Variants in HAO2 observed in about 807,000 individuals in gnomAD.
The protein encoded by HAO2 is 2-Hydroxyacid oxidase 2.
In HAO2, 42 loss-of-function variants were observed where a neutral mutation model predicts 37.4. The ratio of observed to expected loss-of-function variants is 1.12; its 90% CI spans 0.88 to 1.45. The LOEUF is 1.45. Ranked by LOEUF, HAO2 falls within the 40% of genes most tolerant of loss-of-function variation. The pLI, the probability that HAO2 is intolerant of heterozygous loss-of-function variation, is 0.00. For synonymous variants in HAO2, 180 were observed against 162.8 expected (o/e 1.11, Z -0.81); for missense variants, 476 against 430.2 (o/e 1.11, Z -0.94).
Position 119,381,175 on chromosome 1 carries a change from T to C in HAO2, c.90T>C (p.Asp30=), listed in dbSNP as rs745745659. The change falls in exon 2 of 8, where the codon GAT becomes GAC. Residue 30 remains aspartate (D), a synonymous_variant. Coordinates refer to ENST00000325945, the MANE Select transcript of HAO2 (RefSeq NM_016527.4). The part of the protein sequence containing the change: ...STRDFIEGGA[D]DSITRDDNIA... ...GGGATTTTATTGAAGGTGGAGCAGA[T>C]GACAGCATCACGCGGGATGACAACA... is the stretch of plus-strand genomic sequence containing the variant. 7 of 1,610,258 alleles carry C rather than the reference T, an allele frequency of 4.3e-6. No homozygotes were observed. Among genetic ancestry groups the C allele is most frequent in the East Asian group, 4.5e-5 (2 of 44,860 alleles).
chr1:119,386,937 C>T (rs1167767685), intron 5 of HAO2, 106 bp downstream of exon 5: 1 of 726,592 alleles, frequency 1.4e-6, no homozygotes, highest in Non-Finnish European at 2.5e-6. Context: ...TATTTCACTC[C>T]TCTGTACCAC....
chr1:119,376,538 G>GT (rs1415140574), intron 1 of HAO2, among the ~76,000 whole-genome samples: 1 of 152,248 alleles, frequency 6.6e-6, no homozygotes, highest in Non-Finnish European at 1.5e-5. Flanking sequence ...CCACTAGGCA[G>GT]TGCCCCAGTG....
chr1:119,377,183 C>A (rs374677020), intron 1 of HAO2, among the ~76,000 whole-genome samples: 1 of 152,172 alleles, frequency 6.6e-6, no homozygotes, highest in Non-Finnish European at 1.5e-5. Flanking sequence ...CCCAAGTCAC[C>A]TCTTGAATGC....
chr1:119,381,206 G>T lies in HAO2; in HGVS notation c.121G>T (p.Ala41Ser), dbSNP rs1363100011. Residue 41 changes from alanine to serine, a missense_variant, in exon 2 of 8, where the codon GCA (alanine) becomes TCA (serine). Physicochemically the swap from Ala to Ser is moderately conservative, Grantham distance 99. Coordinates refer to ENST00000325945, the MANE Select transcript of HAO2 (RefSeq NM_016527.4). ...CATCACGCGGGATGACAACATTGCA[G>T]CATTTAAAAGGTGTGGTCTTCTGTA... ...DSITRDDNIA[A>S]FKRIRLRPRY... 16 of 1,610,540 alleles carry T rather than the reference G, an allele frequency of 9.9e-6. No homozygotes were observed. The highest frequency in any genetic ancestry group is 1.2e-5 in the Non-Finnish European group (14 of 1,176,776).
intron 1 of HAO2, among the ~76,000 whole-genome samples, chr1:119,372,104 T>C (rs1649082563): frequency 6.6e-6 from 1 of 152,230 alleles, no homozygotes; most frequent in African/African-American, 2.4e-5. Flanking sequence ...CCCAGGTGAC[T>C]GAAAATACCC....
intron 2 of HAO2, among the ~76,000 whole-genome samples, chr1:119,382,240 A>C (rs940332660): frequency 2.0e-5 from 3 of 152,200 alleles, no homozygotes; most frequent in Non-Finnish European, 4.4e-5. Context: ...ACAATTAAGA[A>C]TTTTCAGAAA....
At chr1:119,390,313 G>A (rs587688859) in intron 5 of HAO2, among the ~76,000 whole-genome samples, 14 of 152,140 alleles carry the variant, frequency 9.2e-5, no homozygotes, top group Admixed American at 2.0e-4. Context: ...GGGCAATGGC[G>A]CAGTCTCAGC....
chr1:119,387,155 A>G (rs1403881513), intron 5 of HAO2, among the ~76,000 whole-genome samples: 1 of 152,236 alleles, frequency 6.6e-6, no homozygotes, highest in Non-Finnish European at 1.5e-5. Flanking sequence ...ACTTAAGATA[A>G]TAAATAATTA....
rs754990742 is a variant in HAO2, at chr1:119,392,184, T to A, written c.846T>A (p.Thr282=). The A allele has an allele frequency of 6.2e-7, 1 of 1,613,388 alleles. No homozygotes were observed. Among genetic ancestry groups the A allele is most frequent in the South Asian group, 1.1e-5 (1 of 91,026 alleles). Reference sequence around the variant, plus strand: ...TCTACCTGGATGGCGGGGTCCGAACTGGCAATGATGTGCTGAAGGCTCTGG... The same window carrying A: ...TCTACCTGGATGGCGGGGTCCGAACAGGCAATGATGTGCTGAAGGCTCTGG... ...IEVYLDGGVR[T]GNDVLKALAL... The change falls in exon 6 of 8, where the codon ACT becomes ACA. Residue 282 remains threonine (T), a synonymous_variant. Transcript: ENST00000325945.
chr1:119,381,898 C>T (rs1038009301), intron 2 of HAO2, among the ~76,000 whole-genome samples: 2 of 152,176 alleles, frequency 1.3e-5, no homozygotes, highest in East Asian at 3.8e-4. Context: ...CACAACCATG[C>T]TCAGCCATTT....
intron 1 of HAO2, among the ~76,000 whole-genome samples, chr1:119,379,715 T>C (rs759441372): frequency 1.9e-4 from 29 of 152,174 alleles, no homozygotes; most frequent in Non-Finnish European, 3.7e-4. Context: ...GTAGCCTCCA[T>C]CTAGAGCCCA....
At chr1:119,383,891 T>A (rs587629116) in intron 3 of HAO2, among the ~76,000 whole-genome samples, 1 of 152,318 alleles carries the variant, frequency 6.6e-6, no homozygotes, top group East Asian at 1.9e-4. Flanking sequence ...TCTAGCTAGG[T>A]TGAGATATTA....
chr1:119,387,770 T>C (rs747206837), intron 5 of HAO2, among the ~76,000 whole-genome samples: 4 of 152,234 alleles, frequency 2.6e-5, no homozygotes, highest in Non-Finnish European at 2.9e-5. Context: ...ACCTCCATTG[T>C]AGAACATCTG....
chr1:119,379,165 A>C (rs1370880807), intron 1 of HAO2, among the ~76,000 whole-genome samples: 1 of 152,136 alleles, frequency 6.6e-6, no homozygotes, highest in Non-Finnish European at 1.5e-5. Flanking sequence ...TGACACATGT[A>C]AAATGTTACC....
intron 1 of HAO2, among the ~76,000 whole-genome samples, chr1:119,377,842 G>A (rs1302168965): frequency 1.3e-5 from 2 of 152,156 alleles, no homozygotes; most frequent in Non-Finnish European, 2.9e-5. Context: ...CAAGGTGGGT[G>A]GATCACCTGA....
At chr1:119,369,450 C>G (rs1648784414) in intron 1 of HAO2, among the ~76,000 whole-genome samples, 1 of 152,146 alleles carries the variant, frequency 6.6e-6, no homozygotes, top group African/African-American at 2.4e-5. Flanking sequence ...ACAGATCAAC[C>G]TGCGGAGAAC....
Position 119,385,783 on chromosome 1 carries a change from T to C in HAO2, c.561+730T>C, listed in dbSNP as rs72563183. 2.9e-4 allele frequency: 284 copies of C among 985,276 alleles called. 2 individuals carry two copies. The African/African-American group carries it at 4.3e-3, about 15-fold the overall frequency. The allele number at this position is 985,276 out of a possible 1,614,324, so 61.0% of individuals were successfully genotyped here. ...CAACTGTGACACCAAGCCAAGTAAC[T>C]CAACAGTTCTCATTAATCACAGATT... is the stretch of plus-strand genomic sequence containing the variant. On this transcript the variant is annotated intron_variant, in intron 4 of 7. Transcript: ENST00000325945.
chr1:119,383,340 G>T (rs1299765874), intron 3 of HAO2, among the ~76,000 whole-genome samples: 2 of 152,204 alleles, frequency 1.3e-5, no homozygotes, highest in South Asian at 2.1e-4. Context: ...CAGAACAGGG[G>T]TGCTGGCCCT....
chr1:119,390,202 G>T (rs1287893667), intron 5 of HAO2, among the ~76,000 whole-genome samples: 1 of 152,092 alleles, frequency 6.6e-6, no homozygotes, highest in Non-Finnish European at 1.5e-5. Flanking sequence ...TAACGAGAGA[G>T]AATTCATGTC....
Sources: allele counts gnomAD v4.1 joint callset (sites outside exome capture counted in the v4.1 genomes callset), GRCh38; gene constraint gnomAD v4.1.1; transcripts MANE v1.5; gene names NCBI Gene and HGNC (gene_info 2026-07-23, HGNC 2026-07-21).